The following ADAMTS18 variants were observed in gnomAD, a reference collection of about 807,000 sequenced individuals.
ADAMTS18 encodes ADAM metallopeptidase with thrombospondin type 1 motif 18.
In ADAMTS18, 157 loss-of-function variants were observed where a neutral mutation model predicts 165.9. The ratio of observed to expected loss-of-function variants is 0.95; its 90% CI spans 0.83 to 1.08. ADAMTS18 has a LOEUF of 1.08. ADAMTS18 is among the 50% of genes least tolerant of loss of function. ADAMTS18 has a pLI of 0.00. For missense variants in ADAMTS18, 2,040 were observed against 1,534.0 expected, an observed-to-expected ratio of 1.33 and a Z score of -5.51; for synonymous variants, 782 against 578.2, an observed-to-expected ratio of 1.35 and a Z score of -5.06.
chr16:77,381,063 G>A (rs8058955), intron 3 of ADAMTS18, among the ~76,000 whole-genome samples: 46,038 of 151,676 alleles, frequency 0.3, 7,424 homozygotes, highest in East Asian at 0.54. Context: ...TAGTAGAGAC[G>A]GGGTTTCACC....
At chr16:77,398,263 G>C (rs1280485901) in intron 3 of ADAMTS18, among the ~76,000 whole-genome samples, 1 of 152,026 alleles carries the variant, frequency 6.6e-6, no homozygotes, top group African/African-American at 2.4e-5. Flanking sequence ...GTTGCAGTGA[G>C]CCAAGATCAC....
Position 77,335,847 on chromosome 16 carries a change from C to T in ADAMTS18, c.1768G>A (p.Gly590Ser), listed in dbSNP as rs1314087753. Residue 590 changes from glycine (G) to serine (S), a missense_variant, in exon 12 of 23, where the codon GGC (glycine) becomes AGC (serine). Gly to Ser is a moderately conservative substitution (Grantham distance 56, BLOSUM62 0). Coordinates refer to ENST00000282849, the MANE Select transcript of ADAMTS18 (RefSeq NM_199355.4). The part of the protein sequence containing the change: ...FGELGPRPIH[G>S]QWSAWSKWSE... ...CACTTCGACCAGGCGGACCACTGGC[C>T]GTGGATGGGCCGGGGCCCGAGCTCC... is the stretch of plus-strand genomic sequence containing the variant. 3.1e-6 allele frequency: 5 copies of T among 1,614,146 alleles called. No homozygotes were observed. The highest frequency in any genetic ancestry group is 3.3e-5 in the Admixed American group (2 of 60,024).
intron 19 of ADAMTS18, among the ~76,000 whole-genome samples, chr16:77,294,609 A>C (rs2055429746): frequency 6.6e-6 from 1 of 152,058 alleles, no homozygotes; most frequent in Non-Finnish European, 1.5e-5. Context: ...TGCGTTTCCC[A>C]TTTGCTTTGG....
chr16:77,405,358 A>G (rs2057380819), intron 3 of ADAMTS18, among the ~76,000 whole-genome samples: 1 of 152,206 alleles, frequency 6.6e-6, no homozygotes, highest in Non-Finnish European at 1.5e-5. Context: ...CCAATCCTGC[A>G]TCCAATTCAG....
chr16:77,295,623 G>A (rs890333635), intron 18 of ADAMTS18, among the ~76,000 whole-genome samples: 57 of 152,184 alleles, frequency 3.7e-4, no homozygotes, highest in Non-Finnish European at 7.6e-4. Flanking sequence ...CAATGAGAGA[G>A]AAAGAGAGGG....
chr16:77,355,893 G>C, intron 9 of ADAMTS18, 47 bp downstream of exon 9: 1 of 1,612,244 alleles, frequency 6.2e-7, no homozygotes. Flanking sequence ...GCACAATTCT[G>C]TCATCACTCC....
At chr16:77,422,503 A>G (rs1420704241) in intron 3 of ADAMTS18, among the ~76,000 whole-genome samples, 1 of 146,416 alleles carries the variant, frequency 6.8e-6, no homozygotes, top group Non-Finnish European at 1.5e-5. Flanking sequence ...GAAGGAAGAG[A>G]TGCAGGGAGA....
intron 21 of ADAMTS18, 52 bp from the exon 22 acceptor site, chr16:77,289,463 A>C: frequency 6.3e-7 from 1 of 1,596,246 alleles, no homozygotes; most frequent in Non-Finnish European, 8.6e-7. Flanking sequence ...GAGGTCAGTG[A>C]CATCAAACAG....
intron 3 of ADAMTS18, among the ~76,000 whole-genome samples, chr16:77,382,247 G>A (rs1047612099): frequency 1.3e-5 from 2 of 152,162 alleles, no homozygotes; most frequent in Non-Finnish European, 2.9e-5. Context: ...GAGTCGCTCT[G>A]TTGCCCAGGC....
At chr16:77,336,216 T>C (rs1409474720) in intron 11 of ADAMTS18, among the ~76,000 whole-genome samples, 3 of 152,104 alleles carry the variant, frequency 2.0e-5, no homozygotes, top group Non-Finnish European at 2.9e-5. Flanking sequence ...GGAGTCAGTA[T>C]AAAGTTACAA....
At position 77,300,128 on chromosome 16, in the gene ADAMTS18, T is replaced by A. The variant is rs1332439388; in HGVS notation, c.2674+135A>T. ...CCTTAACTAATGCCATAATATTTGC[T>A]TTTATGGTGATGGTTCTCATAAAAG... On this transcript the variant is annotated intron_variant, in intron 17 of 22. Transcript: ENST00000282849. 1.4e-5 allele frequency: 15 copies of A among 1,072,008 alleles called. 1 individual carries two copies. The East Asian group carries it at 3.8e-4, about 27-fold the overall frequency. 66.4% of individuals were successfully genotyped at this position (1,072,008 alleles called of 1,614,324 possible). A position where few individuals can be genotyped will look rare whatever the true frequency, so the allele number is the denominator to read the frequency against.
At position 77,297,397 on chromosome 16, in the gene ADAMTS18, G is replaced by C; in HGVS notation, c.2693C>G (p.Ala898Gly). The change falls in exon 18 of 23, where the codon GCC becomes GGC. Residue 898 changes from alanine (A) to glycine (G), a missense_variant. Coordinates refer to ENST00000282849, the MANE Select transcript of ADAMTS18 (RefSeq NM_199355.4). ...SCGGGYINVK[A>G]ICLRDQNTQV... Reference sequence around the variant, plus strand: ...AGTATTTTGATCTCGCAAGCAAATGGCCTTTACATTTATGTAACCTGGTAA... The same window carrying C: ...AGTATTTTGATCTCGCAAGCAAATGCCCTTTACATTTATGTAACCTGGTAA... 6.2e-7 allele frequency: 1 copy of C among 1,613,146 alleles called. No individual in the cohort carries two copies. Among genetic ancestry groups the C allele is most frequent in the Non-Finnish European group, 8.5e-7 (1 of 1,179,150 alleles).
chr16:77,427,440 A>T (rs1304874739), intron 3 of ADAMTS18, among the ~76,000 whole-genome samples: 2 of 152,204 alleles, frequency 1.3e-5, no homozygotes, highest in African/African-American at 4.8e-5. Flanking sequence ...TGCTGGATGT[A>T]ATGACTTTCT....
intron 12 of ADAMTS18, among the ~76,000 whole-genome samples, chr16:77,327,056 C>G (rs1219019013): frequency 2.0e-5 from 3 of 152,222 alleles, no homozygotes; most frequent in Non-Finnish European, 4.4e-5. Context: ...GCATAGTATT[C>G]CATGGTGCAT....
chr16:77,424,081 G>A (rs1010549423), intron 3 of ADAMTS18, among the ~76,000 whole-genome samples: 8 of 152,184 alleles, frequency 5.3e-5, no homozygotes, highest in Non-Finnish European at 7.3e-5. Flanking sequence ...CCACTTTACA[G>A]ATGAGAAAAC....
At chr16:77,402,482 G>C (rs936577663) in intron 3 of ADAMTS18, among the ~76,000 whole-genome samples, 3 of 152,160 alleles carry the variant, frequency 2.0e-5, no homozygotes, top group Admixed American at 6.5e-5. Context: ...GTGGGGCCTG[G>C]AGCATTTGAG....
intron 12 of ADAMTS18, among the ~76,000 whole-genome samples, chr16:77,335,034 TTAATAG>T (rs2056285509): frequency 6.9e-6 from 1 of 145,476 alleles, no homozygotes; most frequent in East Asian, 2.0e-4. Flanking sequence ...ATACTATATA[TTAATAG>T]TAATTATATA....
intron 3 of ADAMTS18, among the ~76,000 whole-genome samples, chr16:77,419,162 A>T (rs919810088): frequency 2.0e-5 from 3 of 151,446 alleles, no homozygotes; most frequent in Non-Finnish European, 3.0e-5. Flanking sequence ...GGGAAAAAAA[A>T]TCAATTATTA....
intron 3 of ADAMTS18, among the ~76,000 whole-genome samples, chr16:77,412,692 A>G (rs914831806): frequency 1.2e-4 from 18 of 152,282 alleles, no homozygotes; most frequent in African/African-American, 4.3e-4. Context: ...GAGAATGAGA[A>G]CCAATGGAAA....
Sources: allele counts gnomAD v4.1 joint callset (sites outside exome capture counted in the v4.1 genomes callset), GRCh38; gene constraint gnomAD v4.1.1; transcripts MANE v1.5; gene names NCBI Gene and HGNC (gene_info 2026-07-23, HGNC 2026-07-21).